ERFL: variants seen among roughly 807,000 people sequenced by gnomAD.
ERFL encodes the protein ETS repressor factor like, also known as ETS domain-containing transcription factor ERF-like.
ERFL carries 8 observed loss-of-function variants against 27.9 expected under a neutral mutation model. The observed-to-expected ratio is 0.29, with a 90% confidence interval of 0.17 to 0.52. ERFL has a LOEUF of 0.52. ERFL is among the 20% of genes least tolerant of loss of function. ERFL has a pLI of 0.97. For missense variants in ERFL, 294 were observed against 444.4 expected (o/e 0.66, Z 3.04); for synonymous variants, 174 against 202.8 (o/e 0.86, Z 1.21).
At chr19:41,912,802 G>T in intron 2 of ERFL, 51 bp downstream of exon 2, 1 of 689,208 alleles carries the variant, frequency 1.5e-6, no homozygotes, top group Non-Finnish European at 2.0e-6. Context: ...GCGGCTCACT[G>T]GGGAAGCCTG....
chr19:41,912,557 G>T (rs1249982759), intron 2 of ERFL, among the ~76,000 whole-genome samples: 1 of 152,206 alleles, frequency 6.6e-6, no homozygotes, highest in Admixed American at 6.5e-5. Context: ...AGGCTGAGAC[G>T]TGCGTGGCAG....
At position 41,907,940 on chromosome 19, in the gene ERFL, GC is replaced by G; in HGVS notation, c.*287del. On this transcript the variant is annotated 3_prime_UTR_variant, in exon 6 of 6. Transcript: ENST00000597630. ...TGGGGCATAGCACAGGGGTGGGCGG[GC>G]GGGGCAGGCTGGGCGCCATATTGCA... 3.4e-6 allele frequency: 1 copy of G among 296,862 alleles called. No individual in the cohort carries two copies. Among genetic ancestry groups the G allele is most frequent in the East Asian group, 5.3e-5 (1 of 18,732 alleles). 18.4% of individuals were successfully genotyped at this position (296,862 alleles called of 1,614,324 possible).
rs2074842670 is a variant in ERFL, at chr19:41,921,617, G to C, written c.-14+6423C>G. 6.6e-6 allele frequency among the ~76,000 whole-genome samples: 1 copy of C among 152,118 alleles called. No individual in the cohort carries two copies. Among genetic ancestry groups the C allele is most frequent in the African/African-American group, 2.4e-5 (1 of 41,418 alleles). The stretch of plus-strand genomic sequence containing the variant: ...AGCTGGAGGTCACGGGAGAGCGAGG[G>C]CCGCACCGGAGACCCTGGGTTGGGA... On this transcript the variant is annotated intron_variant, in intron 1 of 5. Coordinates refer to ENST00000597630, the MANE Select transcript of ERFL (RefSeq NM_001365103.2). The surrounding 1 kb of genome is among the most constrained non-coding windows in gnomAD (Gnocchi z 4.4).
intron 1 of ERFL, among the ~76,000 whole-genome samples, chr19:41,926,254 G>A (rs1555853259): frequency 6.6e-6 from 1 of 151,960 alleles, no homozygotes; most frequent in Non-Finnish European, 1.5e-5. Flanking sequence ...AAGGGCAGGT[G>A]TGAGGGGGAC....
intron 1 of ERFL, among the ~76,000 whole-genome samples, chr19:41,913,197 G>A (rs2074764480): frequency 6.6e-6 from 1 of 150,852 alleles, no homozygotes; most frequent in African/African-American, 2.4e-5. Context: ...CACTAACTAC[G>A]CCGCTCCCAG....
Position 41,908,190 on chromosome 19 carries a change from G to A in ERFL, c.*38C>T. Reference sequence around the variant, plus strand: ...TCAAGGGCAGACGGGCAGCCACCCTGGTCCCTGCCTCAGCAGAATCCATTG... The same window carrying A: ...TCAAGGGCAGACGGGCAGCCACCCTAGTCCCTGCCTCAGCAGAATCCATTG... On this transcript the variant is annotated 3_prime_UTR_variant, in exon 6 of 6. Coordinates refer to ENST00000597630, the MANE Select transcript of ERFL (RefSeq NM_001365103.2). The surrounding 1 kb of genome is among the most constrained non-coding windows in gnomAD (Gnocchi z 6.7). The A allele has an allele frequency of 1.6e-6, 2 of 1,229,316 alleles. No homozygotes were observed. The highest frequency in any genetic ancestry group is 2.0e-6 in the Non-Finnish European group (2 of 985,822). 76.2% of individuals were successfully genotyped at this position (1,229,316 alleles called of 1,614,324 possible).
In ERFL at chr19:41,916,720, C is replaced by T. The variant is rs112942258; in HGVS notation, c.-13-3788G>A. ...ATATGCACTTGGTCACGCATGGAGC[C>T]GTAGAGATACACACACCAGCACCAA... On this transcript the variant is annotated intron_variant, in intron 1 of 5. Coordinates refer to ENST00000597630, the MANE Select transcript of ERFL (RefSeq NM_001365103.2). The surrounding 1 kb of genome is among the most constrained non-coding windows in gnomAD (Gnocchi z 5.4). Among the ~76,000 whole-genome samples, 4,081 of 151,956 alleles carry T rather than the reference C, an allele frequency of 0.027. 184 individuals are homozygous for T. The highest frequency in any genetic ancestry group is 0.093 in the African/African-American group (3,839 of 41,386).
chr19:41,915,865 C>T (rs76496218), intron 1 of ERFL, among the ~76,000 whole-genome samples: 3,485 of 152,266 alleles, frequency 0.023, 138 homozygotes, highest in African/African-American at 0.078. Flanking sequence ...CCTGGCAGGA[C>T]GGCCGGACAG....
intron 1 of ERFL, among the ~76,000 whole-genome samples, chr19:41,919,430 A>T (rs2074824318): frequency 6.6e-6 from 1 of 152,166 alleles, no homozygotes; most frequent in Non-Finnish European, 1.5e-5. Flanking sequence ...GACACACAGT[A>T]TCACTCAATT....
rs1162689075 is a variant in ERFL, at chr19:41,917,455, C to T, written c.-13-4523G>A. On this transcript the variant is annotated intron_variant, in intron 1 of 5. Coordinates refer to ENST00000597630, the MANE Select transcript of ERFL (RefSeq NM_001365103.2). The surrounding 1 kb of genome is among the most constrained non-coding windows in gnomAD (Gnocchi z 4.8). ...TCGGGCCTCGCACCCCCACCACCAG[C>T]CCCTTCATCCCTCACCCAGGCCCCC... Among the ~76,000 whole-genome samples, 7 of 149,346 alleles carry T rather than the reference C, an allele frequency of 4.7e-5. No homozygotes were observed. The highest frequency in any genetic ancestry group is 7.4e-5 in the African/African-American group (3 of 40,744).
rs1330196445 is a variant in ERFL at position 41,908,847 on chromosome 19, C to A, written c.617-171G>T. On this transcript the variant is annotated intron_variant, in intron 5 of 5. Transcript: ENST00000597630. This position sits in a 1 kb window ranked among gnomAD's most constrained non-coding sequence, Gnocchi z 6.7. ...CATCTCCTCCCACTCCCCCACTTGTCTTCCCATTCCTTAGGCACCCCTGAA... is the reference window on the plus strand; with the variant it reads ...CATCTCCTCCCACTCCCCCACTTGTATTCCCATTCCTTAGGCACCCCTGAA... Among the ~76,000 whole-genome samples, 2 of 151,226 alleles carry A rather than the reference C, an allele frequency of 1.3e-5. No homozygotes were observed. Among genetic ancestry groups the A allele is most frequent in the Admixed American group, 6.6e-5 (1 of 15,208 alleles).
rs921154119 is a variant in ERFL at position 41,917,359 on chromosome 19, G to A, written c.-13-4427C>T. 1.3e-5 allele frequency among the ~76,000 whole-genome samples: 2 copies of A among 150,994 alleles called. No individual in the cohort carries two copies. The highest frequency in any genetic ancestry group is 4.2e-4 in the South Asian group (2 of 4,756). ...CTGTCTCCTAACGCCCCATCACCACGCCCCCCTGGGCTGGGGTTTAACCAG... is the reference window on the plus strand; with the variant it reads ...CTGTCTCCTAACGCCCCATCACCACACCCCCCTGGGCTGGGGTTTAACCAG... On this transcript the variant is annotated intron_variant, in intron 1 of 5. Transcript: ENST00000597630. The surrounding 1 kb of genome is among the most constrained non-coding windows in gnomAD (Gnocchi z 4.8).
chr19:41,924,902 G>T (rs2074862608), intron 1 of ERFL, among the ~76,000 whole-genome samples: 1 of 152,150 alleles, frequency 6.6e-6, no homozygotes, highest in Non-Finnish European at 1.5e-5. Flanking sequence ...GTGTGGTGGT[G>T]ACAAGCTGCA....
In ERFL at chr19:41,916,768, CCA is replaced by C. The variant is rs1482906340; in HGVS notation, c.-13-3838_-13-3837del. ...CAACCCAGACAGCCAACGCACACGG[CCA>C]CACACACACCCATTCACAGACACAG... is the stretch of plus-strand genomic sequence containing the variant. On this transcript the variant is annotated intron_variant, in intron 1 of 5. Coordinates refer to ENST00000597630, the MANE Select transcript of ERFL (RefSeq NM_001365103.2). This position sits in a 1 kb window ranked among gnomAD's most constrained non-coding sequence, Gnocchi z 5.4. 6.6e-6 allele frequency among the ~76,000 whole-genome samples: 1 copy of C among 151,810 alleles called. No homozygotes were observed. The highest frequency in any genetic ancestry group is 6.6e-5 in the Admixed American group (1 of 15,244).
intron 2 of ERFL, among the ~76,000 whole-genome samples, chr19:41,911,773 C>T (rs2074753134): frequency 6.6e-6 from 1 of 152,140 alleles, no homozygotes; most frequent in Admixed American, 6.6e-5. Flanking sequence ...GACACCCAAC[C>T]CGATACTCCA....
Position 41,909,942 on chromosome 19 carries a change from G to C in ERFL, c.223C>G (p.Pro75Ala). The change falls in exon 3 of 6, where the codon CCC becomes GCC. Residue 75 changes from proline to alanine, a missense_variant. This residue lies in a region of ERFL where 246 missense variants were observed against 371.4 expected (regional missense o/e 0.66). Transcript: ENST00000597630. The surrounding 1 kb of genome is among the most constrained non-coding windows in gnomAD (Gnocchi z 5.2). Reference sequence around the variant, plus strand: ...CCCCACAGCCGGGCCACCTCATCGGGGTCTTTGATGACGAATTCCCCGTAG... The same window carrying C: ...CCCCACAGCCGGGCCACCTCATCGGCGTCTTTGATGACGAATTCCCCGTAG... ...GDYGEFVIKD[P>A]DEVARLWGIR... 1 of 1,613,876 alleles carries C rather than the reference G, an allele frequency of 6.2e-7. No individual in the cohort carries two copies. Among genetic ancestry groups the C allele is most frequent in the Non-Finnish European group, 8.5e-7 (1 of 1,179,944 alleles).
intron 1 of ERFL, among the ~76,000 whole-genome samples, chr19:41,919,745 C>T (rs1173475211): frequency 6.6e-6 from 1 of 152,052 alleles, no homozygotes; most frequent in Non-Finnish European, 1.5e-5. Flanking sequence ...TTGGTCCTTC[C>T]ACCCTGTTTC....
At position 41,914,827 on chromosome 19, in the gene ERFL, C is replaced by T. The variant is rs191486875; in HGVS notation, c.-13-1895G>A. 1.2e-3 allele frequency among the ~76,000 whole-genome samples: 18 copies of T among 15,616 alleles called. 5 individuals are homozygous for T. The highest frequency in any genetic ancestry group is 2.3e-3 in the Non-Finnish European group (15 of 6,396). 10.2% of individuals were successfully genotyped at this position (15,616 alleles called of 152,430 possible). ...TCCCTCCCCCTCCACCGTGTCTCCC[C>T]CCCTTTCCACCGTCTCTGTCTCTCC... On this transcript the variant is annotated intron_variant, in intron 1 of 5. Transcript: ENST00000597630.
chr19:41,926,226 C>T (rs1425850881), intron 1 of ERFL, among the ~76,000 whole-genome samples: 7 of 151,268 alleles, frequency 4.6e-5, no homozygotes, highest in South Asian at 2.1e-4. Flanking sequence ...GTATGCTCCC[C>T]GAGAGACCAG....
Sources: allele counts gnomAD v4.1 joint callset (sites outside exome capture counted in the v4.1 genomes callset), GRCh38; gene constraint gnomAD v4.1.1; regional missense constraint gnomAD v4.1.1; non-coding constraint Gnocchi (gnomAD v3.1); transcripts MANE v1.5; gene names NCBI Gene and HGNC (gene_info 2026-07-23, HGNC 2026-07-21).